UNKL: variants seen among roughly 807,000 people sequenced by gnomAD.
UNKL encodes the protein unk like zinc finger.
Under a neutral mutation model 78.0 loss-of-function variants are expected in UNKL, and 60 were observed. The ratio of observed to expected loss-of-function variants is 0.77; its 90% confidence interval spans 0.63 to 0.95. UNKL has a LOEUF of 0.95. Ranked by LOEUF, UNKL falls within the 40% of genes least tolerant of loss-of-function variation. UNKL has a pLI of 0.00. For synonymous variants in UNKL, 608 were observed against 474.8 expected (o/e 1.28, Z -3.65); for missense variants, 1,159 against 1,045.7 (o/e 1.11, Z -1.49).
At position 1,365,756 on chromosome 16, in the gene UNKL, C is replaced by G. The variant is rs2035197923; in HGVS notation, c.*484G>C. On this transcript the variant is annotated 3_prime_UTR_variant, in exon 15 of 15. Coordinates refer to ENST00000389221, the MANE Select transcript of UNKL (RefSeq NM_001372107.1). ...TAAACTGATATGAAATATTTAAGTT[C>G]ACAGTACACATATAAAGCTTCATAT... is the stretch of plus-strand genomic sequence containing the variant. 4 of 152,896 alleles carry G rather than the reference C, an allele frequency of 2.6e-5. No individual in the cohort carries two copies. In the Admixed American group the frequency reaches 2.6e-4, roughly 10 times the overall value. The allele number at this position is 152,896 out of a possible 1,614,324, so 9.5% of individuals were successfully genotyped here.
rs895299390 is a variant in UNKL at position 1,363,662 on chromosome 16, G to A, written c.*2578C>T. 5.4e-6 allele frequency: 1 copy of A among 183,822 alleles called. No individual in the cohort carries two copies. The highest frequency in any genetic ancestry group is 2.4e-5 in the African/African-American group (1 of 41,800). 11.4% of individuals were successfully genotyped at this position (183,822 alleles called of 1,614,324 possible). A position where few individuals can be genotyped will look rare whatever the true frequency, so the allele number is the denominator to read the frequency against. The stretch of plus-strand genomic sequence containing the variant: ...CTCCACGGGGCACCTTCCAGCCACT[G>A]CTGTGCCTCAGCCACCTAGGAGCCA... On this transcript the variant is annotated 3_prime_UTR_variant, in exon 15 of 15. Coordinates refer to ENST00000389221, the MANE Select transcript of UNKL (RefSeq NM_001372107.1).
chr16:1,366,645 T>C (rs867816426), intron 14 of UNKL, among the ~76,000 whole-genome samples: 15 of 152,086 alleles, frequency 9.9e-5, no homozygotes, highest in South Asian at 2.1e-4. Context: ...GACACGGCAG[T>C]GGCCAGACAG....
chr16:1,367,903 C>A, intron 12 of UNKL, 45 bp from the exon 13 acceptor site: 1 of 1,498,788 alleles, frequency 6.7e-7, no homozygotes. Context: ...GCTGTGCTCG[C>A]GGCCTGGTGG....
Position 1,370,125 on chromosome 16 carries a change from C to T in UNKL, c.1585+5G>A. The T allele has an allele frequency of 6.5e-7, 1 of 1,534,182 alleles. No homozygotes were observed. Among genetic ancestry groups the T allele is most frequent in the Non-Finnish European group, 8.8e-7 (1 of 1,137,546 alleles). On this transcript the variant is annotated splice_donor_5th_base_variant and intron_variant, in intron 12 of 14. Coordinates refer to ENST00000389221, the MANE Select transcript of UNKL (RefSeq NM_001372107.1). ...AACGCCAGCATGGAGGGAGCCGGCA[C>T]TCACCTAGGGGGCTGTAGGATGAGG...
chr16:1,368,379 G>A (rs921250892), intron 12 of UNKL, among the ~76,000 whole-genome samples: 1 of 152,022 alleles, frequency 6.6e-6, no homozygotes, highest in Non-Finnish European at 1.5e-5. Flanking sequence ...GAGGCGGGTG[G>A]ATCATGAGGT....
intron 2 of UNKL, among the ~76,000 whole-genome samples, chr16:1,410,426 G>A (rs1331267614): frequency 6.6e-6 from 1 of 152,154 alleles, no homozygotes; most frequent in African/African-American, 2.4e-5. Context: ...TGACCAACAT[G>A]GAGAAACCCC....
At chr16:1,367,003 G>A in intron 14 of UNKL, 89 bp downstream of exon 14, 6 of 1,438,676 alleles carry the variant, frequency 4.2e-6, no homozygotes, top group South Asian at 1.5e-5. Flanking sequence ...GGGAGGAAGG[G>A]GACACCGCAC....
intron 9 of UNKL, among the ~76,000 whole-genome samples, chr16:1,386,310 T>C (rs2036810886): frequency 6.6e-6 from 1 of 152,188 alleles, no homozygotes; most frequent in South Asian, 2.1e-4. Context: ...CGCAGCACTT[T>C]GGGAGGCCGA....
chr16:1,368,760 G>A (rs1211147449), intron 12 of UNKL, among the ~76,000 whole-genome samples: 1 of 151,968 alleles, frequency 6.6e-6, no homozygotes. Context: ...AATTAGCCTG[G>A]CGTGGTAGCA....
At chr16:1,414,077 C>T (rs751676521) in intron 1 of UNKL, 22 bp from the exon 2 acceptor site, 2 of 1,523,874 alleles carry the variant, frequency 1.3e-6, no homozygotes, top group East Asian at 2.5e-5. Context: ...GACAGCGCCG[C>T]GGCTCGCTTC....
Position 1,414,650 on chromosome 16 carries a change from C to A in UNKL, c.42G>T (p.Gly14=), listed in dbSNP as rs1225346621. ...TCGGCTTCTCAGTCTGCGGGGGGGACCCGCTCAGCGCCGCTGCCGCCGCTT... is the reference window on the plus strand; with the variant it reads ...TCGGCTTCTCAGTCTGCGGGGGGGAACCGCTCAGCGCCGCTGCCGCCGCTT... ...VSKAAAAALS[G]SPPQTEKPTH... Residue 14 remains glycine (G), a synonymous_variant, in exon 1 of 15, where the codon GGG becomes GGT. Transcript: ENST00000389221. 1.7e-6 allele frequency: 2 copies of A among 1,144,940 alleles called. No homozygotes were observed. The allele number at this position is 1,144,940 out of a possible 1,614,324, so 70.9% of individuals were successfully genotyped here. A position where few individuals can be genotyped will look rare whatever the true frequency, so the allele number is the denominator to read the frequency against.
chr16:1,367,884 C>A, intron 12 of UNKL, 26 bp from the exon 13 acceptor site: 1 of 1,534,676 alleles, frequency 6.5e-7, no homozygotes. Context: ...TCGATGACGG[C>A]CCAGCCCTGC....
In UNKL at chr16:1,371,608, G is replaced by A. The variant is rs1257464423; in HGVS notation, c.1268C>T (p.Ser423Phe). 6.5e-6 allele frequency: 10 copies of A among 1,535,996 alleles called. No individual in the cohort carries two copies. The highest frequency in any genetic ancestry group is 1.2e-5 in the South Asian group (1 of 84,064). The change falls in exon 11 of 15, where the codon TCT becomes TTT. Residue 423 changes from serine to phenylalanine, a missense_variant. Ser to Phe is a radical substitution (Grantham distance 155, BLOSUM62 -2). Coordinates refer to ENST00000389221, the MANE Select transcript of UNKL (RefSeq NM_001372107.1). The part of the protein sequence containing the change: ...ASSTVEAVLG[S>F]ALDLHLSNVN... ...ATTGCTAAGATGCAGGTCTAACGCA[G>A]AACCTGTCAACAGAGCCCCCCATCA...
intron 9 of UNKL, among the ~76,000 whole-genome samples, chr16:1,389,801 G>A (rs2036967364): frequency 1.3e-5 from 2 of 152,186 alleles, no homozygotes; most frequent in Non-Finnish European, 2.9e-5. Flanking sequence ...AGAGTCAAGT[G>A]CTGCTGCTTG....
At chr16:1,398,983 G>A in intron 5 of UNKL, 1 of 1,484,568 alleles carries the variant, frequency 6.7e-7, no homozygotes, top group Non-Finnish European at 9.0e-7. Context: ...CAGTGCCTGA[G>A]CCCCTGGCAG....
At position 1,365,890 on chromosome 16, in the gene UNKL, G is replaced by A. The variant is rs981957273; in HGVS notation, c.*350C>T. On this transcript the variant is annotated 3_prime_UTR_variant, in exon 15 of 15. Transcript: ENST00000389221. ...AAAGACCCCAGCTCCCAGTGGCCTAGTCACAGTAGTGTCAGGACCACAAAC... is the reference window on the plus strand; with the variant it reads ...AAAGACCCCAGCTCCCAGTGGCCTAATCACAGTAGTGTCAGGACCACAAAC... The A allele has an allele frequency of 2.0e-5, 4 of 203,262 alleles. No homozygotes were observed. In the South Asian group the frequency reaches 7.1e-4, roughly 36 times the overall value. 12.6% of individuals were successfully genotyped at this position (203,262 alleles called of 1,614,324 possible).
intron 4 of UNKL, 134 bp downstream of exon 4, chr16:1,401,434 T>C: frequency 1.7e-6 from 2 of 1,206,658 alleles, no homozygotes; most frequent in East Asian, 5.8e-5. Context: ...GGTATTGGAC[T>C]CCACGAGCCT....
chr16:1,379,686 C>G (rs2036515396), intron 10 of UNKL: 6 of 984,592 alleles, frequency 6.1e-6, no homozygotes, highest in Non-Finnish European at 7.2e-6. Flanking sequence ...GATTCAAACC[C>G]GGCCCGCGCC....
chr16:1,382,976 C>T (rs112475554), intron 10 of UNKL, among the ~76,000 whole-genome samples: 1 of 150,586 alleles, frequency 6.6e-6, no homozygotes, highest in African/African-American at 2.5e-5. Flanking sequence ...CACACACACA[C>T]ATGCCGGGCA....
Sources: allele counts gnomAD v4.1 joint callset (sites outside exome capture counted in the v4.1 genomes callset), GRCh38; gene constraint gnomAD v4.1.1; transcripts MANE v1.5; gene names NCBI Gene and HGNC (gene_info 2026-07-23, HGNC 2026-07-21).